POLK: variants seen among roughly 807,000 people sequenced by gnomAD.
POLK encodes the protein polymerase (DNA directed) kappa.
Under a neutral mutation model 94.0 loss-of-function variants are expected in POLK, and 76 were observed. That is an observed-to-expected ratio of 0.81 (90% confidence interval 0.67 to 0.98). POLK has a LOEUF of 0.98. Ranked by LOEUF, POLK falls within the 50% of genes least tolerant of loss-of-function variation. The pLI, the probability that POLK is intolerant of heterozygous loss-of-function variation, is 0.00. For synonymous variants in POLK, 349 were observed against 325.4 expected (o/e 1.07, Z -0.78); for missense variants, 954 against 1,010.1 (o/e 0.94, Z 0.75).
intron 5 of POLK, 115 bp downstream of exon 5, chr5:75,573,984 G>A: frequency 2.2e-6 from 2 of 911,652 alleles, no homozygotes; most frequent in Middle Eastern, 2.2e-4. Context: ...CCTTTCAGTT[G>A]AGCCTCCTAT....
intron 3 of POLK, among the ~76,000 whole-genome samples, chr5:75,564,042 G>A (rs1326299585): frequency 7.2e-5 from 11 of 152,098 alleles, no homozygotes; most frequent in Non-Finnish European, 7.4e-5. Flanking sequence ...TCTCTTTGTA[G>A]GTCTCTAAGA....
At chr5:75,589,170 T>C (rs1346604295) in intron 10 of POLK, among the ~76,000 whole-genome samples, 1 of 152,092 alleles carries the variant, frequency 6.6e-6, no homozygotes, top group Non-Finnish European at 1.5e-5. Context: ...AAAACTGTAA[T>C]ATCCATGAAT....
intron 3 of POLK, among the ~76,000 whole-genome samples, chr5:75,560,500 T>G (rs1254303956): frequency 6.6e-6 from 1 of 152,142 alleles, no homozygotes; most frequent in Non-Finnish European, 1.5e-5. Flanking sequence ...CGTTATTCTA[T>G]TTTTTGTTTC....
chr5:75,582,622 T>C (rs1172885578), intron 7 of POLK: 2 of 152,156 alleles, frequency 1.3e-5, no homozygotes, highest in African/African-American at 4.8e-5. Flanking sequence ...ATATTCTGTA[T>C]CTTTTCTTAG....
At chr5:75,583,108 A>G (rs924268854) in intron 7 of POLK, 185 bp from the exon 8 acceptor site, 14 of 453,732 alleles carry the variant, frequency 3.1e-5, no homozygotes, top group African/African-American at 2.8e-4. Context: ...AACTAGTACA[A>G]TTTATTTTCC....
intron 1 of POLK, among the ~76,000 whole-genome samples, chr5:75,517,980 A>T (rs1168698147): frequency 1.3e-5 from 2 of 152,154 alleles, no homozygotes; most frequent in Non-Finnish European, 2.9e-5. Context: ...CGTCCCTTGG[A>T]TGAATCCCAC....
intron 2 of POLK, among the ~76,000 whole-genome samples, chr5:75,551,151 A>G (rs762846395): frequency 6.6e-6 from 1 of 152,244 alleles, no homozygotes; most frequent in Non-Finnish European, 1.5e-5. Context: ...AAAATTTGAG[A>G]AAGCCTCTGA....
Position 75,573,741 on chromosome 5 carries a change from A to G in POLK, c.412A>G (p.Thr138Ala), listed in dbSNP as rs1384589941. 3 of 1,612,516 alleles carry G rather than the reference A, an allele frequency of 1.9e-6. No homozygotes were observed. The South Asian group carries it at 3.3e-5, about 18-fold the overall frequency. Residue 138 changes from threonine to alanine, a missense_variant, in exon 5 of 15, where the codon ACT becomes GCT. Transcript: ENST00000241436. ...CATGTGGTCAATTTTCTTTCAGTCT[A>G]CTTCAAATTACCATGCAAGGAGATT...
rs1032293043 is a variant in POLK, at chr5:75,582,115, G to A, written c.934+667G>A. ...TTACATTGCAGGAGAGAACCCAGACGGCCACAAGGTAAGAGACAAAAGAAA... is the reference window on the plus strand; with the variant it reads ...TTACATTGCAGGAGAGAACCCAGACAGCCACAAGGTAAGAGACAAAAGAAA... On this transcript the variant is annotated intron_variant, in intron 7 of 14. Coordinates refer to ENST00000241436, the Ensembl canonical transcript of POLK. 9.1e-6 allele frequency: 9 copies of A among 987,192 alleles called. No homozygotes were observed. In the African/African-American group the frequency reaches 1.0e-4, roughly 11 times the overall value. The allele number at this position is 987,192 out of a possible 1,614,324, so 61.2% of individuals were successfully genotyped here.
chr5:75,585,920 G>A (rs978848124), intron 9 of POLK, among the ~76,000 whole-genome samples: 3 of 152,168 alleles, frequency 2.0e-5, no homozygotes, highest in Admixed American at 2.0e-4. Context: ...AAGGCTTGTT[G>A]TGTTGCTTTT....
At chr5:75,567,292 T>C (rs544780725) in intron 3 of POLK, among the ~76,000 whole-genome samples, 1 of 152,368 alleles carries the variant, frequency 6.6e-6, no homozygotes, top group East Asian at 1.9e-4. Flanking sequence ...ATTTCTTAGG[T>C]ATATTTTCTG....
At chr5:75,543,495 A>T (rs1769858934) in intron 1 of POLK, among the ~76,000 whole-genome samples, 1 of 152,196 alleles carries the variant, frequency 6.6e-6, no homozygotes, top group Non-Finnish European at 1.5e-5. Context: ...GGAATAGATT[A>T]GAGTTGCCCT....
At chr5:75,562,197 G>A (rs1033272425) in intron 3 of POLK, among the ~76,000 whole-genome samples, 6 of 152,112 alleles carry the variant, frequency 3.9e-5, no homozygotes, top group Non-Finnish European at 8.8e-5. Context: ...GCAGTGGTTT[G>A]TAGCTCTCCT....
exon 15 of POLK, chr5:75,600,037 GAACCTAATATA>G (rs1773261664): frequency 6.6e-6 from 1 of 151,986 alleles, no homozygotes; most frequent in Admixed American, 6.6e-5. Flanking sequence ...CCTACTTAGT[GAACCTAATATA>G]AACCTAATAT....
rs200304692 is a variant in POLK at position 75,560,535 on chromosome 5, A to G, written c.255+7944A>G. ...CTTTAAAAAAATTTGTTTTTTTATT[A>G]TACTTTAAGTTCTGGGATACATGTG... On this transcript the variant is annotated intron_variant, in intron 3 of 14. Transcript: ENST00000241436. Among the ~76,000 whole-genome samples, 30 of 152,228 alleles carry G rather than the reference A, an allele frequency of 2.0e-4. No individual in the cohort carries two copies. The East Asian group carries it at 5.6e-3, about 28-fold the overall frequency.
At chr5:75,537,793 G>A (rs891989759) in intron 1 of POLK, among the ~76,000 whole-genome samples, 1 of 152,034 alleles carries the variant, frequency 6.6e-6, no homozygotes, top group Non-Finnish European at 1.5e-5. Flanking sequence ...AATTATTTTA[G>A]TAGTGTTAGA....
chr5:75,518,055 G>A (rs1253191662), intron 1 of POLK, among the ~76,000 whole-genome samples: 1 of 152,054 alleles, frequency 6.6e-6, no homozygotes, highest in Admixed American at 6.6e-5. Flanking sequence ...TTTTGCATCT[G>A]TATTCATCAG....
At chr5:75,582,144 T>C in intron 7 of POLK, 14 of 987,004 alleles carry the variant, frequency 1.4e-5, no homozygotes, top group Non-Finnish European at 1.7e-5. Context: ...AAAGAAATAC[T>C]AACTAGCAAC....
intron 1 of POLK, among the ~76,000 whole-genome samples, chr5:75,537,303 G>T (rs561598436): frequency 2.6e-5 from 4 of 152,160 alleles, no homozygotes; most frequent in Non-Finnish European, 5.9e-5. Flanking sequence ...TGGTCAGGGG[G>T]AATCTCCCAT....
Sources: allele counts gnomAD v4.1 joint callset (sites outside exome capture counted in the v4.1 genomes callset), GRCh38; gene constraint gnomAD v4.1.1; transcripts MANE v1.5; gene names NCBI Gene and HGNC (gene_info 2026-07-23, HGNC 2026-07-21).